The following HABP4 variants were observed in gnomAD, a reference collection of about 807,000 sequenced individuals.
The protein encoded by HABP4 is intracellular hyaluronan-binding protein 4.
Under a neutral mutation model 44.1 loss-of-function variants are expected in HABP4, and 32 were observed. That is an observed-to-expected ratio of 0.73 (90% confidence interval 0.55 to 0.97). The LOEUF is 0.97. Ranked by LOEUF, HABP4 falls within the 50% of genes least tolerant of loss-of-function variation. The pLI is 0.00. For synonymous variants in HABP4, 216 were observed against 218.0 expected (o/e 0.99, Z 0.08); for missense variants, 503 against 561.9 (o/e 0.90, Z 1.06).
intron 4 of HABP4, among the ~76,000 whole-genome samples, chr9:96,467,089 A>AT (rs573100550): frequency 2.6e-3 from 395 of 151,796 alleles, no homozygotes; most frequent in Non-Finnish European, 4.7e-3. Flanking sequence ...TGCCTGGCTA[A>AT]TTTTTGTATT....
chr9:96,490,207 G>T lies in HABP4; in HGVS notation c.*169G>T. 1 of 602,348 alleles carries T rather than the reference G, an allele frequency of 1.7e-6. No homozygotes were observed. Among genetic ancestry groups the T allele is most frequent in the Non-Finnish European group, 3.0e-6 (1 of 337,226 alleles). The allele number at this position is 602,348 out of a possible 1,614,324, so 37.3% of individuals were successfully genotyped here. A position where few individuals can be genotyped will look rare whatever the true frequency, so the allele number is the denominator to read the frequency against. On this transcript the variant is annotated 3_prime_UTR_variant, in exon 8 of 8. Transcript: ENST00000375249. Reference sequence around the variant, plus strand: ...AGCTGTTAGAGGGGCTTCTCCAGAGGCTCGAGAGCAGGCCATTTCCCAAGA... The same window carrying T: ...AGCTGTTAGAGGGGCTTCTCCAGAGTCTCGAGAGCAGGCCATTTCCCAAGA...
At chr9:96,484,368 A>C in intron 5 of HABP4, 94 bp from the exon 6 acceptor site, 1 of 616,100 alleles carries the variant, frequency 1.6e-6, no homozygotes, top group South Asian at 2.5e-5. Context: ...TACCACAAAA[A>C]TATGTTGAAT....
At chr9:96,473,277 T>TC in intron 5 of HABP4, among the ~76,000 whole-genome samples, 1 of 152,264 alleles carries the variant, frequency 6.6e-6, no homozygotes, top group South Asian at 2.1e-4. Context: ...CTGAGCTGAC[T>TC]CCTCCCCACA....
chr9:96,482,174 A>G (rs528241612), intron 5 of HABP4, among the ~76,000 whole-genome samples: 9 of 152,014 alleles, frequency 5.9e-5, no homozygotes, highest in Non-Finnish European at 2.9e-5. Context: ...TCCTGACCTC[A>G]TGATCCGCCT....
At chr9:96,457,179 C>G (rs959002665) in intron 1 of HABP4, among the ~76,000 whole-genome samples, 1 of 151,980 alleles carries the variant, frequency 6.6e-6, no homozygotes, top group Non-Finnish European at 1.5e-5. Context: ...CCAGCCTGAC[C>G]AGGTTAGAGA....
intron 2 of HABP4, among the ~76,000 whole-genome samples, chr9:96,462,145 C>CAA (rs757601268): frequency 2.0e-5 from 2 of 100,382 alleles, no homozygotes; most frequent in African/African-American, 7.7e-5. Flanking sequence ...GATTCTGTCT[C>CAA]AAAAAAAAAA....
At chr9:96,471,754 T>G (rs574771849) in intron 5 of HABP4, among the ~76,000 whole-genome samples, 10 of 152,178 alleles carry the variant, frequency 6.6e-5, no homozygotes, top group Non-Finnish European at 1.0e-4. Context: ...GTAGCTTAGA[T>G]ACCGGCTCCG....
In HABP4 at chr9:96,454,649, C is replaced by T. The variant is rs544967741; in HGVS notation, c.350-3730C>T. 4.0e-4 allele frequency among the ~76,000 whole-genome samples: 61 copies of T among 152,168 alleles called. 1 individual carries two copies. The highest frequency in any genetic ancestry group is 6.8e-3 in the Middle Eastern group (2 of 294). On this transcript the variant is annotated intron_variant, in intron 1 of 7. Transcript: ENST00000375249. ...TATTTTTAGTAGAGACAGGGTTCAC[C>T]GCGTCAGCCAGGATGGTCTCAATCT... is the stretch of plus-strand genomic sequence containing the variant.
At chr9:96,478,687 A>G (rs950753824) in intron 5 of HABP4, among the ~76,000 whole-genome samples, 1 of 147,114 alleles carries the variant, frequency 6.8e-6, no homozygotes, top group African/African-American at 2.5e-5. Flanking sequence ...TAGAGACAAG[A>G]TCTTGCTCTG....
intron 2 of HABP4, among the ~76,000 whole-genome samples, chr9:96,460,377 T>G (rs1832480059): frequency 6.6e-6 from 1 of 152,200 alleles, no homozygotes; most frequent in Admixed American, 6.5e-5. Flanking sequence ...AGCCTTTCTT[T>G]GTTATTTGAG....
chr9:96,459,531 A>G (rs1832463381), intron 2 of HABP4, among the ~76,000 whole-genome samples: 1 of 152,162 alleles, frequency 6.6e-6, no homozygotes, highest in African/African-American at 2.4e-5. Flanking sequence ...AAACCTGTTT[A>G]TGTTAAACAG....
chr9:96,490,208 C>A lies in HABP4; in HGVS notation c.*170C>A. 1.7e-6 allele frequency: 1 copy of A among 601,656 alleles called. No individual in the cohort carries two copies. Among genetic ancestry groups the A allele is most frequent in the Non-Finnish European group, 3.0e-6 (1 of 336,918 alleles). The allele number at this position is 601,656 out of a possible 1,614,324, so 37.3% of individuals were successfully genotyped here. A position where few individuals can be genotyped will look rare whatever the true frequency, so the allele number is the denominator to read the frequency against. ...GCTGTTAGAGGGGCTTCTCCAGAGG[C>A]TCGAGAGCAGGCCATTTCCCAAGAA... is the stretch of plus-strand genomic sequence containing the variant. On this transcript the variant is annotated 3_prime_UTR_variant, in exon 8 of 8. Coordinates refer to ENST00000375249, the MANE Select transcript of HABP4 (RefSeq NM_014282.4).
At chr9:96,482,853 A>C (rs1832903003) in intron 5 of HABP4, among the ~76,000 whole-genome samples, 2 of 152,244 alleles carry the variant, frequency 1.3e-5, no homozygotes, top group African/African-American at 4.8e-5. Flanking sequence ...GCCAGATAAT[A>C]TTCCAAAAAA....
intron 1 of HABP4, among the ~76,000 whole-genome samples, chr9:96,451,082 A>ATGCC (rs970870704): frequency 1.3e-5 from 2 of 151,866 alleles, no homozygotes; most frequent in Admixed American, 6.5e-5. Flanking sequence ...GGCCTCTGTG[A>ATGCC]TGCCGGAGGC....
chr9:96,463,618 A>G (rs547911826), intron 2 of HABP4, among the ~76,000 whole-genome samples: 1 of 152,266 alleles, frequency 6.6e-6, no homozygotes, highest in East Asian at 1.9e-4. Flanking sequence ...ATAGTTTAGA[A>G]TCAGGTTTTG....
chr9:96,478,683 C>T (rs1411777752), intron 5 of HABP4, among the ~76,000 whole-genome samples: 6 of 148,702 alleles, frequency 4.0e-5, no homozygotes, highest in African/African-American at 1.5e-4. Flanking sequence ...TTTTTAGAGA[C>T]AAGATCTTGC....
chr9:96,470,561 C>T (rs1832675468), intron 4 of HABP4, among the ~76,000 whole-genome samples: 1 of 152,002 alleles, frequency 6.6e-6, no homozygotes, highest in Non-Finnish European at 1.5e-5. Context: ...AAAGTCTTTT[C>T]TGTTATTGTA....
chr9:96,450,492 C>T lies in HABP4; in HGVS notation c.213C>T (p.Gly71=), dbSNP rs1564155823. The T allele has an allele frequency of 8.2e-7, 1 of 1,212,810 alleles. No homozygotes were observed. Among genetic ancestry groups the T allele is most frequent in the South Asian group, 4.1e-5 (1 of 24,568 alleles). The allele number at this position is 1,212,810 out of a possible 1,614,324, so 75.1% of individuals were successfully genotyped here. Residue 71 remains glycine, a synonymous_variant, in exon 1 of 8, where the codon GGC becomes GGT. Coordinates refer to ENST00000375249, the MANE Select transcript of HABP4 (RefSeq NM_014282.4). The surrounding 1 kb of genome is among the most constrained non-coding windows in gnomAD (Gnocchi z 4.8). ...CGGCGGCCGGGGCCGGTCCCCGCGG[C>T]GGCAGGAGCCCAGCCGGGGCCTCGG... ...AAAAAGAGPR[G]GRSPAGASGH... is the part of the protein sequence containing the mutation.
chr9:96,473,285 A>G (rs1355999446), intron 5 of HABP4, among the ~76,000 whole-genome samples: 1 of 151,924 alleles, frequency 6.6e-6, no homozygotes, highest in East Asian at 1.9e-4. Context: ...ACTCCTCCCC[A>G]CACCTCTGGT....
Sources: allele counts gnomAD v4.1 joint callset (sites outside exome capture counted in the v4.1 genomes callset), GRCh38; gene constraint gnomAD v4.1.1; non-coding constraint Gnocchi (gnomAD v3.1); transcripts MANE v1.5; gene names NCBI Gene and HGNC (gene_info 2026-07-23, HGNC 2026-07-21).